Variants in SLC25A21 observed in about 807,000 individuals in gnomAD.
SLC25A21 encodes the protein solute carrier family 25 member 21.
In SLC25A21, 47 loss-of-function variants were observed where a neutral mutation model predicts 43.8. That is an observed-to-expected ratio of 1.07 (90% CI 0.85 to 1.37). The LOEUF is 1.37. Among genes scored for constraint, SLC25A21 ranks in the 40% most tolerant of loss-of-function variants. The probability of loss-of-function intolerance (pLI) is 0.00; values close to 1 mark genes in which losing one functional copy is unlikely to be tolerated. For synonymous variants in SLC25A21, 131 were observed against 121.3 expected (o/e 1.08, Z -0.52); for missense variants, 352 against 350.2 (o/e 1.00, Z -0.04).
chr14:37,116,464 C>T (rs530677984), intron 1 of SLC25A21, among the ~76,000 whole-genome samples: 2 of 152,210 alleles, frequency 1.3e-5, no homozygotes, highest in South Asian at 4.2e-4. Context: ...TATTGAAAGC[C>T]CTTACTAGGC....
intron 1 of SLC25A21, among the ~76,000 whole-genome samples, chr14:37,167,787 G>C (rs1030345006): frequency 6.6e-5 from 10 of 151,922 alleles, no homozygotes; most frequent in Non-Finnish European, 1.5e-4. Flanking sequence ...TGGTTCTTGT[G>C]ATCTTGTGGC....
chr14:36,773,710 C>G (rs537318466), intron 3 of SLC25A21, among the ~76,000 whole-genome samples: 2 of 152,260 alleles, frequency 1.3e-5, no homozygotes, highest in Admixed American at 6.5e-5. Context: ...CTCATGATAA[C>G]CCTATGTGGA....
chr14:36,704,935 A>G (rs904355473), intron 7 of SLC25A21, among the ~76,000 whole-genome samples: 3 of 152,194 alleles, frequency 2.0e-5, no homozygotes, highest in Admixed American at 1.3e-4. Context: ...AGTGCCACAG[A>G]AAGTCGGGAT....
At chr14:36,892,389 G>A (rs1328706897) in intron 1 of SLC25A21, among the ~76,000 whole-genome samples, 1 of 152,086 alleles carries the variant, frequency 6.6e-6, no homozygotes, top group Non-Finnish European at 1.5e-5. Context: ...GTGCCCATCA[G>A]TAGATGAACG....
At chr14:37,134,128 G>A (rs1387646998) in intron 1 of SLC25A21, among the ~76,000 whole-genome samples, 47 of 152,154 alleles carry the variant, frequency 3.1e-4, no homozygotes, top group Non-Finnish European at 2.8e-4. Flanking sequence ...TGGAGAGAGG[G>A]AGGTGGGCCA....
At chr14:36,828,483 G>C (rs1594622958) in intron 2 of SLC25A21, 1 of 152,168 alleles carries the variant, frequency 6.6e-6, no homozygotes, top group Non-Finnish European at 1.5e-5. Context: ...GAAGCAGAGG[G>C]TTCCAAAGCC....
chr14:36,957,018 C>A (rs1037696415), intron 1 of SLC25A21, among the ~76,000 whole-genome samples: 1 of 152,204 alleles, frequency 6.6e-6, no homozygotes, highest in Admixed American at 6.5e-5. Context: ...AATGGCACAA[C>A]ACTGAAAAGC....
rs147474937 is a variant in SLC25A21 at position 36,684,940 on chromosome 14, G to T, written c.604-15C>A. On this transcript the variant is annotated splice_polypyrimidine_tract_variant and intron_variant, in intron 7 of 9. Coordinates refer to ENST00000331299, the MANE Select transcript of SLC25A21 (RefSeq NM_030631.4). ...AAGATTGGATCCTAAAAGAAAAGAA[G>T]AATAATATAACAGAAAGGGGAGCGG... 1,269 of 1,602,816 alleles carry T rather than the reference G, an allele frequency of 7.9e-4. 4 individuals are homozygous for T. Among genetic ancestry groups the T allele is most frequent in the African/African-American group, 6.3e-3 (464 of 73,882 alleles).
rs1960514672 is a variant in SLC25A21 at position 37,002,713 on chromosome 14, A to C, written c.71-127709T>G. Among the ~76,000 whole-genome samples, 3 of 151,814 alleles carry C rather than the reference A, an allele frequency of 2.0e-5. 1 individual carries two copies. The highest frequency in any genetic ancestry group is 2.0e-4 in the Admixed American group (3 of 15,222). ...GATAACATTCAGGTAAAATGATTAC[A>C]AACTGTACAAAACAGTGCTAGTGAA... On this transcript the variant is annotated intron_variant, in intron 1 of 9. Coordinates refer to ENST00000331299, the MANE Select transcript of SLC25A21 (RefSeq NM_030631.4).
intron 1 of SLC25A21, among the ~76,000 whole-genome samples, chr14:36,996,408 C>T (rs1960372803): frequency 6.6e-6 from 1 of 152,126 alleles, no homozygotes; most frequent in Non-Finnish European, 1.5e-5. Context: ...TCTCTGGAGC[C>T]AGACGACCAG....
chr14:37,050,470 G>A (rs1161608349), intron 1 of SLC25A21, among the ~76,000 whole-genome samples: 3 of 152,196 alleles, frequency 2.0e-5, no homozygotes, highest in East Asian at 3.8e-4. Flanking sequence ...GCTGAGTGGG[G>A]GCTGAAAGCC....
At chr14:37,076,650 G>A (rs775798304) in intron 1 of SLC25A21, among the ~76,000 whole-genome samples, 6 of 151,744 alleles carry the variant, frequency 4.0e-5, no homozygotes, top group Admixed American at 6.6e-5. Context: ...CAGCATGCCC[G>A]GCTAATTTTG....
At chr14:36,710,681 T>C (rs1179615611) in intron 7 of SLC25A21, among the ~76,000 whole-genome samples, 1 of 152,132 alleles carries the variant, frequency 6.6e-6, no homozygotes, top group Non-Finnish European at 1.5e-5. Context: ...CCTCCTGCCT[T>C]TGCCTCTCAA....
intron 1 of SLC25A21, among the ~76,000 whole-genome samples, chr14:37,108,728 TGTGTGTGTGTGC>T (rs944839559): frequency 3.7e-5 from 4 of 107,008 alleles, no homozygotes; most frequent in Admixed American, 1.1e-4. Context: ...TGTGTGTGTG[TGTGTGTGTGTGC>T]GTGTGTGTGT....
At chr14:36,937,206 C>T (rs1432562722) in intron 1 of SLC25A21, among the ~76,000 whole-genome samples, 1 of 152,170 alleles carries the variant, frequency 6.6e-6, no homozygotes, top group Non-Finnish European at 1.5e-5. Flanking sequence ...CCACATTTCT[C>T]CACATTGTCT....
At position 37,107,995 on chromosome 14, in the gene SLC25A21, T is replaced by C. The variant is rs181424612; in HGVS notation, c.70+64286A>G. On this transcript the variant is annotated intron_variant, in intron 1 of 9. Coordinates refer to ENST00000331299, the MANE Select transcript of SLC25A21 (RefSeq NM_030631.4). ...CCTAATAGTGTCCAAGCTTGAACAA[T>C]ACATTGTATAGTCCATCTGTTCAAA... 1.2e-3 allele frequency among the ~76,000 whole-genome samples: 177 copies of C among 152,278 alleles called. 1 individual carries two copies. Among genetic ancestry groups the C allele is most frequent in the African/African-American group, 4.0e-3 (165 of 41,566 alleles).
chr14:37,098,943 C>T (rs1962762901), intron 1 of SLC25A21, among the ~76,000 whole-genome samples: 1 of 151,874 alleles, frequency 6.6e-6, no homozygotes, highest in African/African-American at 2.4e-5. Flanking sequence ...GCTGGGATTA[C>T]AGGCATGCAC....
chr14:36,978,583 T>C (rs1042797346), intron 1 of SLC25A21, among the ~76,000 whole-genome samples: 26 of 152,186 alleles, frequency 1.7e-4, no homozygotes, highest in African/African-American at 6.3e-4. Flanking sequence ...TGTACTTAAT[T>C]CTATTTTATG....
Position 36,850,885 on chromosome 14 carries a change from T to C in SLC25A21, c.119+24071A>G, listed in dbSNP as rs546259558. Among the ~76,000 whole-genome samples the C allele has an allele frequency of 1.1e-4, 17 of 152,254 alleles. No individual in the cohort carries two copies. The East Asian group carries it at 1.2e-3, about 10-fold the overall frequency. On this transcript the variant is annotated intron_variant, in intron 2 of 9. Transcript: ENST00000331299. ...AGAAATTCAGACTTAATGCATAATA[T>C]AGGGAGTGCACACAGGGACCACGGC... is the stretch of plus-strand genomic sequence containing the variant.
Sources: gnomAD v4.1 joint callset for allele counts (sites outside exome capture counted in the v4.1 genomes callset) on GRCh38, gnomAD v4.1.1 for gene constraint, MANE v1.5 for transcripts, NCBI Gene and HGNC (gene_info 2026-07-23, HGNC 2026-07-21) for gene names.